The following SLC41A1 variants were observed in gnomAD, a reference collection of about 807,000 sequenced individuals.
SLC41A1 encodes solute carrier family 41 member 1, also known as solute carrier family 41 (magnesium transporter), member 1.
Under a neutral mutation model 47.3 loss-of-function variants are expected in SLC41A1, and 20 were observed. The observed-to-expected ratio is 0.42, with a 90% CI of 0.30 to 0.61. The LOEUF is 0.61. SLC41A1 is among the 20% of genes least tolerant of loss of function. The pLI is 0.17. For synonymous variants in SLC41A1, 282 were observed against 272.7 expected, an observed-to-expected ratio of 1.03 and a Z score of -0.34; for missense variants, 504 against 674.1, an observed-to-expected ratio of 0.75 and a Z score of 2.79.
rs368070607 is a variant in SLC41A1, at chr1:205,796,919, C to T, written c.1072+5G>A. ...GCCCTCTGATAGCTGATGCCCAGAC[C>T]TCACCATTAATCACAGGCGTGAAGA... On this transcript the variant is annotated splice_donor_5th_base_variant and intron_variant, in intron 8 of 10. Coordinates refer to ENST00000367137, the MANE Select transcript of SLC41A1 (RefSeq NM_173854.6). 49 of 1,611,820 alleles carry T rather than the reference C, an allele frequency of 3.0e-5. No individual in the cohort carries two copies. The African/African-American group carries it at 6.4e-4, about 21-fold the overall frequency.
At chr1:205,804,893 C>T (rs1057163795) in intron 2 of SLC41A1, among the ~76,000 whole-genome samples, 3 of 152,324 alleles carry the variant, frequency 2.0e-5, no homozygotes, top group South Asian at 4.1e-4. Context: ...CACATGTATG[C>T]AAGCAATGTT....
rs746947760 is a variant in SLC41A1 at position 205,791,698 on chromosome 1, G to T, written c.1377C>A (p.Ile459=). The change falls in exon 11 of 11, where the codon ATC becomes ATA. Residue 459 remains isoleucine (I), a synonymous_variant. Transcript: ENST00000367137. This position sits in a 1 kb window ranked among gnomAD's most constrained non-coding sequence, Gnocchi z 4.0. ...ALLQVLILLY[I]ADWMVHWMWG... Reference sequence around the variant, plus strand: ...ACATCCAGTGCACCATCCAGTCTGCGATGTACAGGAGAATCAGCACCTGGG... The same window carrying T: ...ACATCCAGTGCACCATCCAGTCTGCTATGTACAGGAGAATCAGCACCTGGG... The T allele has an allele frequency of 1.9e-6, 3 of 1,613,922 alleles. No homozygotes were observed. The South Asian group carries it at 3.3e-5, about 18-fold the overall frequency.
intron 2 of SLC41A1, chr1:205,801,448 TG>T (rs1655876525): frequency 3.2e-6 from 1 of 311,952 alleles, no homozygotes; most frequent in Non-Finnish European, 6.2e-6. Context: ...CTGGCCCCTT[TG>T]CCTTCAGTCC....
Position 205,795,313 on chromosome 1 carries a change from C to G in SLC41A1, c.1207+31G>C, listed in dbSNP as rs768027874. 20 of 1,614,042 alleles carry G rather than the reference C, an allele frequency of 1.2e-5. No homozygotes were observed. The Admixed American group carries it at 3.0e-4, about 24-fold the overall frequency. ...TCACTGACAGTAGGCCCACTCCCCCCAGGGCTGGGAGGCTGGGAATCTGCC... is the reference window on the plus strand; with the variant it reads ...TCACTGACAGTAGGCCCACTCCCCCGAGGGCTGGGAGGCTGGGAATCTGCC... On this transcript the variant is annotated intron_variant, in intron 9 of 10. Coordinates refer to ENST00000367137, the MANE Select transcript of SLC41A1 (RefSeq NM_173854.6).
At chr1:205,805,154 G>A (rs185181355) in intron 2 of SLC41A1, among the ~76,000 whole-genome samples, 1 of 152,054 alleles carries the variant, frequency 6.6e-6, no homozygotes, top group African/African-American at 2.4e-5. Flanking sequence ...AAGTCTTCCC[G>A]ACTCTTACAG....
chr1:205,802,022 A>G (rs955000549), intron 2 of SLC41A1, among the ~76,000 whole-genome samples: 2 of 152,174 alleles, frequency 1.3e-5, no homozygotes, highest in Admixed American at 6.5e-5. Flanking sequence ...TTTACTTGCA[A>G]TTGAAACTGA....
rs1352006609 is a variant in SLC41A1, at chr1:205,794,979, A to G, written c.1247T>C (p.Val416Ala). The G allele has an allele frequency of 2.0e-5, 32 of 1,614,078 alleles. No individual in the cohort carries two copies. Among genetic ancestry groups the G allele is most frequent in the Non-Finnish European group, 2.6e-5 (31 of 1,180,002 alleles). ...SRSARVLFLL[V>A]VPGHLVFLYT... ...GAGGAACACCAGGTGTCCTGGGACC[A>G]CGAGGAGGAAGAGGACCCGGGCTGA... The change falls in exon 10 of 11, where the codon GTG (valine) becomes GCG (alanine). Residue 416 changes from valine (V) to alanine (A), a missense_variant. Val to Ala is a moderately conservative substitution (Grantham distance 64). This residue lies in a region of SLC41A1 where 421 missense variants were observed against 601.6 expected (regional missense o/e 0.70). Transcript: ENST00000367137.
chr1:205,795,940 A>G (rs1013145103), intron 8 of SLC41A1: 3 of 252,656 alleles, frequency 1.2e-5, no homozygotes, highest in Non-Finnish European at 2.3e-5. Context: ...TGATTCTGGT[A>G]ACCAGTTTCA....
intron 2 of SLC41A1, among the ~76,000 whole-genome samples, chr1:205,803,803 A>T (rs916087281): frequency 6.6e-6 from 1 of 151,970 alleles, no homozygotes; most frequent in African/African-American, 2.4e-5. Flanking sequence ...TATTTTTTGT[A>T]GAGACAGGGG....
At position 205,810,452 on chromosome 1, in the gene SLC41A1, G is replaced by C. The variant is rs1424710977; in HGVS notation, c.-11C>G. 6.2e-7 allele frequency: 1 copy of C among 1,614,202 alleles called. No individual in the cohort carries two copies. The highest frequency in any genetic ancestry group is 8.5e-7 in the Non-Finnish European group (1 of 1,180,028). Reference sequence around the variant, plus strand: ...TGGCTTAGAGGACATGACAGGCACGGAGGAGGGGAAGGGAGAACTTTCCTC... The same window carrying C: ...TGGCTTAGAGGACATGACAGGCACGCAGGAGGGGAAGGGAGAACTTTCCTC... On this transcript the variant is annotated 5_prime_UTR_variant, in exon 2 of 11. Coordinates refer to ENST00000367137, the MANE Select transcript of SLC41A1 (RefSeq NM_173854.6). This position sits in a 1 kb window ranked among gnomAD's most constrained non-coding sequence, Gnocchi z 5.5.
chr1:205,813,123 C>T lies in SLC41A1; in HGVS notation c.-962G>A, dbSNP rs927453437. On this transcript the variant is annotated 5_prime_UTR_variant, in exon 1 of 11. Transcript: ENST00000367137. ...GGGACCGGGGAGCCGAGCTCACGCGCCCCCAATCGCTTCTTGCCCGCGGAC... is the reference window on the plus strand; with the variant it reads ...GGGACCGGGGAGCCGAGCTCACGCGTCCCCAATCGCTTCTTGCCCGCGGAC... 1.0e-6 allele frequency: 1 copy of T among 985,590 alleles called. No homozygotes were observed. Among genetic ancestry groups the T allele is most frequent in the Non-Finnish European group, 1.2e-6 (1 of 830,048 alleles). 61.1% of individuals were successfully genotyped at this position (985,590 alleles called of 1,614,324 possible).
chr1:205,798,970 G>A lies in SLC41A1; in HGVS notation c.684C>T (p.Ala228=). ...TCCCTTTCTTACCCAGTACCAGGGA[G>A]GCAATGAAGGCTGTGGCCACGCTGC... is the stretch of plus-strand genomic sequence containing the variant. ...CASSVATAFI[A]SLVLGMIMIG... is the part of the protein sequence containing the mutation. Residue 228 remains alanine (A), a synonymous_variant, in exon 5 of 11, where the codon GCC becomes GCT. Transcript: ENST00000367137. 6.2e-7 allele frequency: 1 copy of A among 1,614,162 alleles called. No individual in the cohort carries two copies. Among genetic ancestry groups the A allele is most frequent in the Non-Finnish European group, 8.5e-7 (1 of 1,180,036 alleles).
intron 9 of SLC41A1, 95 bp downstream of exon 9, chr1:205,795,249 C>T (rs1479071112): frequency 6.3e-7 from 1 of 1,582,384 alleles, no homozygotes; most frequent in Non-Finnish European, 8.6e-7. Context: ...AGAAGGAGAA[C>T]CTGTGGATCT....
chr1:205,799,036 A>C lies in SLC41A1; in HGVS notation c.618T>G (p.Asp206Glu). ...AGGCGTGCGGAATACTGAAGTGGCCATCAGGGATCCAGCCAAAGACGACGG... is the reference window on the plus strand; with the variant it reads ...AGGCGTGCGGAATACTGAAGTGGCCCTCAGGGATCCAGCCAAAGACGACGG... ...IAAVVFGWIP[D>E]GHFSIPHAFL... Residue 206 changes from aspartate to glutamate, a missense_variant, in exon 5 of 11, where the codon GAT becomes GAG. Transcript: ENST00000367137. 1 of 1,613,816 alleles carries C rather than the reference A, an allele frequency of 6.2e-7. No homozygotes were observed. The highest frequency in any genetic ancestry group is 8.5e-7 in the Non-Finnish European group (1 of 1,180,020).
chr1:205,806,855 A>G (rs1377426528), intron 2 of SLC41A1, among the ~76,000 whole-genome samples: 1 of 152,154 alleles, frequency 6.6e-6, no homozygotes, highest in Non-Finnish European at 1.5e-5. Flanking sequence ...TTTTAAATTA[A>G]AATTAAAATT....
chr1:205,799,754 C>T lies in SLC41A1; in HGVS notation c.552+5G>A, dbSNP rs1216626501. The T allele has an allele frequency of 6.2e-7, 1 of 1,614,078 alleles. No individual in the cohort carries two copies. The highest frequency in any genetic ancestry group is 8.5e-7 in the Non-Finnish European group (1 of 1,179,992). On this transcript the variant is annotated splice_donor_5th_base_variant and intron_variant, in intron 4 of 10. Coordinates refer to ENST00000367137, the MANE Select transcript of SLC41A1 (RefSeq NM_173854.6). ...GCCCACCCTCTCTGGTCCCTGCCTT[C>T]TTACCTGGATGAGGGCCATGTTCCC...
intron 2 of SLC41A1, among the ~76,000 whole-genome samples, chr1:205,808,865 C>T (rs1656076295): frequency 6.6e-6 from 1 of 152,258 alleles, no homozygotes; most frequent in African/African-American, 2.4e-5. Flanking sequence ...CATGTGCACA[C>T]ACTATCAAGA....
intron 9 of SLC41A1, 112 bp downstream of exon 9, chr1:205,795,232 C>T: frequency 6.4e-7 from 1 of 1,553,148 alleles, no homozygotes. Context: ...CTGGCACAGC[C>T]CAGCAGAGAA....
At chr1:205,798,460 T>C (rs1198636535) in intron 6 of SLC41A1, among the ~76,000 whole-genome samples, 5 of 152,200 alleles carry the variant, frequency 3.3e-5, no homozygotes, top group Non-Finnish European at 7.4e-5. Context: ...CACAGGAATA[T>C]ACTTCTGATA....
Sources: allele counts gnomAD v4.1 joint callset (sites outside exome capture counted in the v4.1 genomes callset), GRCh38; gene constraint gnomAD v4.1.1; regional missense constraint gnomAD v4.1.1; non-coding constraint Gnocchi (gnomAD v3.1); transcripts MANE v1.5; gene names NCBI Gene and HGNC (gene_info 2026-07-23, HGNC 2026-07-21).